WHRN: variants seen among roughly 807,000 people sequenced by gnomAD.
WHRN encodes the protein whirlin.
In WHRN, 41 loss-of-function variants were observed where a neutral mutation model predicts 68.3. That is an observed-to-expected ratio of 0.60 (90% CI 0.47 to 0.78). WHRN has a LOEUF of 0.78. WHRN is among the 30% of genes least tolerant of loss of function. The pLI is 0.00. For missense variants in WHRN, 1,243 were observed against 1,244.7 expected (o/e 1.00, Z 0.02); for synonymous variants, 560 against 561.3 (o/e 1.00, Z 0.03).
At chr9:114,472,946 C>T (rs1382832212) in intron 2 of WHRN, among the ~76,000 whole-genome samples, 3 of 152,204 alleles carry the variant, frequency 2.0e-5, no homozygotes, top group Non-Finnish European at 4.4e-5. Flanking sequence ...TGCCCAAGGT[C>T]ACACAGTCAC....
chr9:114,405,183 TCCC>T (rs1834941500), intron 9 of WHRN, among the ~76,000 whole-genome samples: 6 of 148,852 alleles, frequency 4.0e-5, no homozygotes, highest in Non-Finnish European at 5.9e-5. Flanking sequence ...CAAGTGGTCC[TCCC>T]ACCTCAGCCT....
Position 114,403,906 on chromosome 9 carries a change from G to A in WHRN, c.2408C>T (p.Ala803Val). ...LPRNERPTDG[A>V]NKPPGLLEPT... ...CTCCTCCTGGCTCACCGGTTTGTTG[G>A]CCCCATCTGTGGGCCTCTCGTTCCG... The change falls in exon 10 of 12, where the codon GCC (alanine) becomes GTC (valine). Residue 803 changes from alanine to valine, a missense_variant. Physicochemically the swap from Ala to Val is moderately conservative, Grantham distance 64 (BLOSUM62 0). Transcript: ENST00000362057. 6.2e-7 allele frequency: 1 copy of A among 1,610,618 alleles called. No homozygotes were observed.
chr9:114,426,266 C>A lies in WHRN; in HGVS notation c.1111G>T (p.Glu371Ter). The change falls in exon 4 of 12, where the codon GAG becomes TAG. Residue 371 changes from glutamate to a stop codon, truncating the protein, a stop_gained. Transcript: ENST00000362057. LOFTEE classifies it high-confidence loss of function. ...CGGGAACTGGCGATCCACTTGGTCT[C>A]GTCCACAGTGGTGCGGGCATGGGGC... ...RLPHARTTVD[E>*]TKWIASSRIR... 1 of 1,613,080 alleles carries A rather than the reference C, an allele frequency of 6.2e-7. No homozygotes were observed. Among genetic ancestry groups the A allele is most frequent in the Non-Finnish European group, 8.5e-7 (1 of 1,180,038 alleles).
At chr9:114,503,038 G>T in intron 1 of WHRN, 2 of 777,968 alleles carry the variant, frequency 2.6e-6, no homozygotes, top group Non-Finnish European at 3.1e-6. Context: ...CAAAGGGGTT[G>T]ATGGGCTGGG....
At chr9:114,487,791 T>C (rs1589250380) in intron 1 of WHRN, among the ~76,000 whole-genome samples, 1 of 152,230 alleles carries the variant, frequency 6.6e-6, no homozygotes, top group East Asian at 1.9e-4. Context: ...CACTATGCCA[T>C]CTGGGCCTAC....
At chr9:114,454,729 A>C (rs1439071408) in intron 3 of WHRN, among the ~76,000 whole-genome samples, 1 of 151,262 alleles carries the variant, frequency 6.6e-6, no homozygotes, top group Non-Finnish European at 1.5e-5. Context: ...AATTTTTTTT[A>C]TGGAAATACA....
At chr9:114,408,470 G>A (rs1455802550) in intron 7 of WHRN, among the ~76,000 whole-genome samples, 1 of 152,212 alleles carries the variant, frequency 6.6e-6, no homozygotes, top group Admixed American at 6.5e-5. Context: ...ATCCCAAGGT[G>A]GTGGTTTAAG....
At chr9:114,405,706 G>A (rs1288193032) in intron 9 of WHRN, among the ~76,000 whole-genome samples, 2 of 152,220 alleles carry the variant, frequency 1.3e-5, no homozygotes, top group South Asian at 2.1e-4. Context: ...CTGTGCAGGC[G>A]CTCAGGGAAT....
At chr9:114,423,566 T>C (rs767040974) in intron 6 of WHRN, 43 bp from the exon 7 acceptor site, 6 of 1,561,010 alleles carry the variant, frequency 3.8e-6, no homozygotes, top group Admixed American at 1.8e-5. Flanking sequence ...GGAGCGCTAC[T>C]AGAAGGTGGA....
intron 4 of WHRN, 180 bp from the exon 5 acceptor site, chr9:114,425,204 C>A: frequency 1.4e-6 from 1 of 728,718 alleles, no homozygotes. Flanking sequence ...TCCGGACAGA[C>A]TGGCAGCGTC....
At chr9:114,432,129 T>C (rs947035883) in intron 3 of WHRN, among the ~76,000 whole-genome samples, 5 of 152,174 alleles carry the variant, frequency 3.3e-5, no homozygotes, top group East Asian at 1.9e-4. Flanking sequence ...GGGTGGACCA[T>C]GGAATGCCCT....
intron 3 of WHRN, among the ~76,000 whole-genome samples, chr9:114,434,989 A>T (rs1033763664): frequency 6.6e-6 from 1 of 151,968 alleles, no homozygotes; most frequent in African/African-American, 2.4e-5. Flanking sequence ...GACCTTGGAG[A>T]CCAGACCATT....
At chr9:114,434,991 C>G (rs569286343) in intron 3 of WHRN, among the ~76,000 whole-genome samples, 9 of 152,278 alleles carry the variant, frequency 5.9e-5, no homozygotes, top group African/African-American at 1.9e-4. Flanking sequence ...CCTTGGAGAC[C>G]AGACCATTGT....
intron 3 of WHRN, among the ~76,000 whole-genome samples, chr9:114,463,087 A>G (rs1280635115): frequency 6.6e-6 from 1 of 152,238 alleles, no homozygotes; most frequent in African/African-American, 2.4e-5. Context: ...CAAGGACACT[A>G]TGGCACCACA....
At chr9:114,467,297 A>G (rs1840793897) in intron 2 of WHRN, among the ~76,000 whole-genome samples, 1 of 151,976 alleles carries the variant, frequency 6.6e-6, no homozygotes, top group South Asian at 2.1e-4. Context: ...TGGGGCTTGG[A>G]GATGAGACAG....
intron 8 of WHRN, 22 bp from the exon 9 acceptor site, chr9:114,406,914 G>A (rs1024888137): frequency 1.8e-5 from 28 of 1,556,528 alleles, no homozygotes; most frequent in East Asian, 2.4e-5. Flanking sequence ...CCCAACAGGC[G>A]GAGAAGGAGT....
intron 1 of WHRN, among the ~76,000 whole-genome samples, chr9:114,497,789 AT>A (rs1049780466): frequency 1.3e-5 from 2 of 152,108 alleles, no homozygotes; most frequent in East Asian, 1.9e-4. Flanking sequence ...CACAGACCAC[AT>A]TTTTTTTAAA....
At chr9:114,502,774 T>C (rs1049124054) in intron 1 of WHRN, among the ~76,000 whole-genome samples, 2 of 152,206 alleles carry the variant, frequency 1.3e-5, no homozygotes, top group African/African-American at 4.8e-5. Flanking sequence ...CAAATGATCA[T>C]TTGCCTCAAG....
chr9:114,454,720 AT>A (rs1011001801), intron 3 of WHRN, among the ~76,000 whole-genome samples: 2 of 151,784 alleles, frequency 1.3e-5, no homozygotes, highest in African/African-American at 4.8e-5. Context: ...GCTGATTCTA[AT>A]TTTTTTTATG....
Sources: allele counts gnomAD v4.1 joint callset (sites outside exome capture counted in the v4.1 genomes callset), GRCh38; gene constraint gnomAD v4.1.1; transcripts MANE v1.5; gene names NCBI Gene and HGNC (gene_info 2026-07-23, HGNC 2026-07-21).